ASPH: variants seen among roughly 807,000 people sequenced by gnomAD.
ASPH encodes aspartyl/asparaginyl beta-hydroxylase.
A neutral mutation model predicts 118.4 loss-of-function variants in ASPH; 100 were observed. The ratio of observed to expected loss-of-function variants is 0.84; its 90% CI spans 0.72 to 1.00. ASPH has a LOEUF of 1.00. ASPH is among the 50% of genes least tolerant of loss of function. The pLI is 0.00. For missense variants in ASPH, 920 were observed against 919.5 expected (o/e 1.00, Z -0.01); for synonymous variants, 315 against 325.6 (o/e 0.97, Z 0.35).
intron 24 of ASPH, among the ~76,000 whole-genome samples, chr8:61,514,061 C>T (rs1490763728): frequency 6.6e-6 from 1 of 152,100 alleles, no homozygotes; most frequent in Non-Finnish European, 1.5e-5. Flanking sequence ...GCAGTCATGG[C>T]TCACTGCAGC....
At chr8:61,646,287 C>G (rs767560882) in intron 6 of ASPH, among the ~76,000 whole-genome samples, 2 of 152,110 alleles carry the variant, frequency 1.3e-5, no homozygotes, top group Non-Finnish European at 2.9e-5. Flanking sequence ...TCTGTACGAT[C>G]CAGAAAACCT....
intron 3 of ASPH, among the ~76,000 whole-genome samples, chr8:61,673,874 CAG>C (rs1041456011): frequency 5.3e-5 from 8 of 152,132 alleles, no homozygotes; most frequent in African/African-American, 1.9e-4. Flanking sequence ...TCACAGAAGT[CAG>C]GGGTTCGTCA....
intron 1 of ASPH, among the ~76,000 whole-genome samples, chr8:61,686,867 G>A (rs1830742876): frequency 6.6e-6 from 1 of 151,892 alleles, no homozygotes; most frequent in Admixed American, 6.6e-5. Flanking sequence ...CTCATTAACT[G>A]GAAAACAGCA....
intron 14 of ASPH, among the ~76,000 whole-genome samples, chr8:61,590,055 T>A (rs1453963467): frequency 6.6e-6 from 1 of 152,144 alleles, no homozygotes. Flanking sequence ...TTTTGGTTTT[T>A]TTGTTTTGTT....
intron 3 of ASPH, chr8:61,662,019 G>A (rs1431528927): frequency 5.2e-5 from 19 of 364,820 alleles, no homozygotes; most frequent in Non-Finnish European, 8.4e-5. Context: ...ATTCACATAC[G>A]AAGCCATTAG....
intron 1 of ASPH, among the ~76,000 whole-genome samples, chr8:61,701,062 A>C (rs1325414409): frequency 6.6e-6 from 1 of 152,136 alleles, no homozygotes; most frequent in African/African-American, 2.4e-5. Flanking sequence ...CCTCATGGCC[A>C]TTTCCATTGC....
intron 21 of ASPH, among the ~76,000 whole-genome samples, chr8:61,542,911 C>A (rs552074336): frequency 6.6e-6 from 1 of 152,050 alleles, no homozygotes; most frequent in African/African-American, 2.4e-5. Context: ...GCCTTCTCTC[C>A]TCTATGGTTT....
At chr8:61,709,096 C>T (rs1837452321) in intron 1 of ASPH, among the ~76,000 whole-genome samples, 1 of 152,148 alleles carries the variant, frequency 6.6e-6, no homozygotes, top group Non-Finnish European at 1.5e-5. Flanking sequence ...GTTATCTAAA[C>T]CAAATTTGTC....
At position 61,559,009 on chromosome 8, in the gene ASPH, T is replaced by C. The variant is rs573838695; in HGVS notation, c.1438-2987A>G. On this transcript the variant is annotated intron_variant, in intron 18 of 24. Coordinates refer to ENST00000379454, the MANE Select transcript of ASPH (RefSeq NM_004318.4). ...TAATGAATAGCAAATATATTTTCTC[T>C]TCCTTATGGCTTTTACAGTTTCTTT... Among the ~76,000 whole-genome samples, 17 of 152,320 alleles carry C rather than the reference T, an allele frequency of 1.1e-4. No individual in the cohort carries two copies. In the East Asian group the frequency reaches 2.9e-3, roughly 26 times the overall value.
At chr8:61,587,879 G>T (rs1362898109) in intron 14 of ASPH, among the ~76,000 whole-genome samples, 2 of 152,110 alleles carry the variant, frequency 1.3e-5, no homozygotes, top group Non-Finnish European at 2.9e-5. Context: ...TGTTCTACCT[G>T]TAGAAAAAAT....
At chr8:61,562,665 G>C (rs1245628002) in intron 18 of ASPH, 79 bp downstream of exon 18, 5 of 1,321,320 alleles carry the variant, frequency 3.8e-6, no homozygotes, top group Non-Finnish European at 4.0e-6. Context: ...AAAATAAAGA[G>C]AGACTGGGTA....
intron 14 of ASPH, chr8:61,607,184 C>G: frequency 1.5e-6 from 1 of 669,698 alleles, no homozygotes; most frequent in Non-Finnish European, 2.7e-6. Flanking sequence ...AATGCATCAT[C>G]CTTCTTAGCT....
intron 12 of ASPH, among the ~76,000 whole-genome samples, chr8:61,637,488 C>T (rs1858353562): frequency 6.6e-6 from 1 of 151,952 alleles, no homozygotes; most frequent in South Asian, 2.1e-4. Flanking sequence ...TTAATACATG[C>T]AATTATTTTT....
chr8:61,701,020 G>A (rs372106396), intron 1 of ASPH, among the ~76,000 whole-genome samples: 1 of 152,242 alleles, frequency 6.6e-6, no homozygotes, highest in South Asian at 2.1e-4. Context: ...TCCCTATCAA[G>A]ATCTAGAACA....
At chr8:61,650,042 C>T (rs957400936) in intron 5 of ASPH, among the ~76,000 whole-genome samples, 2 of 152,150 alleles carry the variant, frequency 1.3e-5, no homozygotes, top group Admixed American at 6.5e-5. Flanking sequence ...TTCTGACCCC[C>T]CTTCTGAGTA....
At chr8:61,668,169 A>T in intron 3 of ASPH, 1 of 1,472,782 alleles carries the variant, frequency 6.8e-7, no homozygotes, top group Non-Finnish European at 9.4e-7. Context: ...ATTCCCAGAA[A>T]ATGTCATGCA....
At position 61,598,847 on chromosome 8, in the gene ASPH, G is replaced by A. The variant is rs184946304; in HGVS notation, c.977-14818C>T. 4.1e-4 allele frequency among the ~76,000 whole-genome samples: 63 copies of A among 152,116 alleles called. No homozygotes were observed. In the East Asian group the frequency reaches 9.6e-3, roughly 23 times the overall value. On this transcript the variant is annotated intron_variant, in intron 14 of 24. Coordinates refer to ENST00000379454, the MANE Select transcript of ASPH (RefSeq NM_004318.4). ...AAAATGCAGTAAGGAGAGAAACTTC[G>A]GAAATTTTACAAATACATGAAAATT...
At chr8:61,710,621 A>G (rs916336365) in intron 1 of ASPH, among the ~76,000 whole-genome samples, 1 of 152,230 alleles carries the variant, frequency 6.6e-6, no homozygotes, top group African/African-American at 2.4e-5. Flanking sequence ...GATGGACAAA[A>G]TGCTGTTGAA....
intron 24 of ASPH, among the ~76,000 whole-genome samples, chr8:61,509,463 T>C (rs1048471999): frequency 6.6e-6 from 1 of 152,222 alleles, no homozygotes; most frequent in Non-Finnish European, 1.5e-5. Flanking sequence ...GGTGGGAGTG[T>C]AGCAGTGAGG....
Sources: allele counts gnomAD v4.1 joint callset (sites outside exome capture counted in the v4.1 genomes callset), GRCh38; gene constraint gnomAD v4.1.1; transcripts MANE v1.5; gene names NCBI Gene and HGNC (gene_info 2026-07-23, HGNC 2026-07-21).